RALA: variants seen among roughly 807,000 people sequenced by gnomAD.
The protein encoded by RALA is ras-related protein Ral-A.
RALA carries 5 observed loss-of-function variants against 24.0 expected under a neutral mutation model. That is an observed-to-expected ratio of 0.21 (90% CI 0.11 to 0.44). The LOEUF (loss-of-function observed/expected upper bound fraction) is 0.44, where lower values mean the gene tolerates loss of function less well. Among genes scored for constraint, RALA ranks in the 20% least tolerant of loss-of-function variants. RALA has a pLI of 0.99. For missense variants in RALA, 95 were observed against 241.2 expected (o/e 0.39, Z 4.01); for synonymous variants, 77 against 83.8 (o/e 0.92, Z 0.44).
At chr7:39,660,561 T>G (rs1792169865) in intron 1 of RALA, among the ~76,000 whole-genome samples, 2 of 152,158 alleles carry the variant, frequency 1.3e-5, no homozygotes, top group Admixed American at 6.5e-5. Context: ...TTGATTATAT[T>G]GATTTTCTTA....
intron 1 of RALA, among the ~76,000 whole-genome samples, chr7:39,630,210 A>ATTT (rs57399698): frequency 8.9e-5 from 9 of 100,916 alleles, no homozygotes; most frequent in Admixed American, 1.2e-4. Flanking sequence ...TGCCTTGCTA[A>ATTT]TTTTTTTTTT....
intron 1 of RALA, among the ~76,000 whole-genome samples, chr7:39,645,164 A>AT (rs902076859): frequency 2.9e-3 from 441 of 151,360 alleles, no homozygotes; most frequent in African/African-American, 9.8e-3. Context: ...CTGAGTACTC[A>AT]TTTTTTTTTC....
intron 1 of RALA, among the ~76,000 whole-genome samples, chr7:39,649,438 A>G (rs1791983223): frequency 6.6e-6 from 1 of 152,244 alleles, no homozygotes; most frequent in Non-Finnish European, 1.5e-5. Context: ...GGAGGTGATT[A>G]GTTCACGAGC....
chr7:39,654,254 C>T (rs1048600330), intron 1 of RALA, among the ~76,000 whole-genome samples: 1 of 152,074 alleles, frequency 6.6e-6, no homozygotes, highest in Non-Finnish European at 1.5e-5. Context: ...TTAAATTGGT[C>T]GTCTTAGAAA....
chr7:39,660,070 G>T (rs942038367), intron 1 of RALA, among the ~76,000 whole-genome samples: 1 of 151,960 alleles, frequency 6.6e-6, no homozygotes, highest in African/African-American at 2.4e-5. Flanking sequence ...TTAAGGCCAG[G>T]CACAGTGGCT....
chr7:39,678,483 G>C (rs181050302), intron 1 of RALA, among the ~76,000 whole-genome samples: 13 of 152,320 alleles, frequency 8.5e-5, no homozygotes, highest in Non-Finnish European at 1.2e-4. Flanking sequence ...TGGTGTAGTT[G>C]TCTAGTTTCT....
chr7:39,657,771 A>AC (rs1044424202), intron 1 of RALA, among the ~76,000 whole-genome samples: 6 of 151,692 alleles, frequency 4.0e-5, no homozygotes, highest in Non-Finnish European at 8.8e-5. Flanking sequence ...AAAAAGAAAA[A>AC]AAATGTTAAT....
intron 1 of RALA, among the ~76,000 whole-genome samples, chr7:39,675,097 A>AAC (rs1792456149): frequency 6.6e-6 from 1 of 152,162 alleles, no homozygotes; most frequent in Admixed American, 6.5e-5. Context: ...AAGTGCTGGG[A>AAC]TTACAGGCGT....
Position 39,661,850 on chromosome 7 carries a change from A to G in RALA, c.-37-24781A>G, listed in dbSNP as rs1258018003. Among the ~76,000 whole-genome samples, 4 of 152,046 alleles carry G rather than the reference A, an allele frequency of 2.6e-5. No individual in the cohort carries two copies. In the East Asian group the frequency reaches 5.8e-4, roughly 22 times the overall value. ...CTTTGTTGGGGGGCTTCAACCCCAC[A>G]TTTCCCTTCTGCACTGCCTTAGCAG... On this transcript the variant is annotated intron_variant, in intron 1 of 4. Transcript: ENST00000005257.
chr7:39,654,639 T>A (rs565286957), intron 1 of RALA, among the ~76,000 whole-genome samples: 1 of 152,220 alleles, frequency 6.6e-6, no homozygotes, highest in African/African-American at 2.4e-5. Context: ...CATGCCTAAC[T>A]CTATGCTTTC....
chr7:39,676,644 C>T (rs545214669), intron 1 of RALA, among the ~76,000 whole-genome samples: 11 of 152,130 alleles, frequency 7.2e-5, no homozygotes, highest in African/African-American at 1.9e-4. Flanking sequence ...GCTTCTCTAT[C>T]GAAAATCTAA....
intron 1 of RALA, among the ~76,000 whole-genome samples, chr7:39,647,218 T>G (rs1055920780): frequency 3.3e-5 from 5 of 152,262 alleles, no homozygotes; most frequent in African/African-American, 7.2e-5. Flanking sequence ...GATTTTTGTA[T>G]TTTTTGTAGA....
chr7:39,665,842 A>G (rs1171318044), intron 1 of RALA, among the ~76,000 whole-genome samples: 1 of 151,864 alleles, frequency 6.6e-6, no homozygotes, highest in Non-Finnish European at 1.5e-5. Flanking sequence ...AACACTTAGG[A>G]TGTGAATTTT....
chr7:39,676,294 A>C (rs1016050538), intron 1 of RALA, among the ~76,000 whole-genome samples: 1 of 152,164 alleles, frequency 6.6e-6, no homozygotes, highest in Non-Finnish European at 1.5e-5. Flanking sequence ...CCTTTAATGC[A>C]CCGTTCAGAT....
In RALA at chr7:39,707,662, CT is replaced by C. The variant is rs1793143313; in HGVS notation, c.*1423del. Reference sequence around the variant, plus strand: ...AGTTGATTCAACAAAGTATTTTTTTCTTTTTTCTCAGTCCTAATTTGAACAG... The same window carrying C: ...AGTTGATTCAACAAAGTATTTTTTTCTTTTTCTCAGTCCTAATTTGAACAG... On this transcript the variant is annotated 3_prime_UTR_variant, in exon 5 of 5. Coordinates refer to ENST00000005257, the MANE Select transcript of RALA (RefSeq NM_005402.4). 6.7e-6 allele frequency: 1 copy of C among 150,014 alleles called. No homozygotes were observed. Among genetic ancestry groups the C allele is most frequent in the Non-Finnish European group, 1.5e-5 (1 of 67,328 alleles). The allele number at this position is 150,014 out of a possible 1,614,324, so 9.3% of individuals were successfully genotyped here. A position where few individuals can be genotyped will look rare whatever the true frequency, so the allele number is the denominator to read the frequency against.
In RALA at chr7:39,696,761, A is replaced by G. The variant is rs755490850; in HGVS notation, c.400A>G (p.Lys134Glu). Residue 134 changes from lysine (K) to glutamate (E), a missense_variant, in exon 4 of 5, where the codon AAA becomes GAA. Lys to Glu is a moderately conservative substitution (Grantham distance 56). Coordinates refer to ENST00000005257, the MANE Select transcript of RALA (RefSeq NM_005402.4). ...TGGTAACAAATCAGATTTAGAAGAT[A>G]AAAGACAGGTTTCTGTAGAAGAGGC... ...LVGNKSDLED[K>E]RQVSVEEAKN... 6.2e-7 allele frequency: 1 copy of G among 1,613,040 alleles called. No homozygotes were observed. The highest frequency in any genetic ancestry group is 8.5e-7 in the Non-Finnish European group (1 of 1,179,032).
chr7:39,635,130 G>A (rs571319896), intron 1 of RALA, among the ~76,000 whole-genome samples: 1 of 152,136 alleles, frequency 6.6e-6, no homozygotes, highest in African/African-American at 2.4e-5. Flanking sequence ...CAGGCAGATT[G>A]CTTGAGTCCA....
chr7:39,690,411 A>T lies in RALA; in HGVS notation c.144A>T (p.Ala48=), dbSNP rs1307161118. ...TGGAGGACTATGAGCCTACCAAAGCAGACAGCTATCGGAAGAAGGTAGTGC... is the reference window on the plus strand; with the variant it reads ...TGGAGGACTATGAGCCTACCAAAGCTGACAGCTATCGGAAGAAGGTAGTGC... The part of the protein sequence containing the change: ...EFVEDYEPTK[A]DSYRKKVVLD... Residue 48 remains alanine, a synonymous_variant, in exon 3 of 5, where the codon GCA becomes GCT. Coordinates refer to ENST00000005257, the MANE Select transcript of RALA (RefSeq NM_005402.4). The T allele has an allele frequency of 1.1e-5, 18 of 1,613,938 alleles. No homozygotes were observed. The highest frequency in any genetic ancestry group is 1.6e-4 in the Middle Eastern group (1 of 6,084).
intron 3 of RALA, 142 bp downstream of exon 3, chr7:39,690,732 T>G: frequency 3.1e-6 from 2 of 653,864 alleles, no homozygotes; most frequent in Non-Finnish European, 2.6e-6. Context: ...GATATCAGTA[T>G]ATGACTCTCT....
Sources: allele counts gnomAD v4.1 joint callset (sites outside exome capture counted in the v4.1 genomes callset), GRCh38; gene constraint gnomAD v4.1.1; transcripts MANE v1.5; gene names NCBI Gene and HGNC (gene_info 2026-07-23, HGNC 2026-07-21).